The following BCAS3 variants were observed in gnomAD, a reference collection of about 807,000 sequenced individuals.
BCAS3 encodes BCAS3 microtubule associated cell migration factor, also known as BCAS4/BCAS3 fusion.
A neutral mutation model predicts 116.1 loss-of-function variants in BCAS3; 53 were observed. The observed-to-expected ratio is 0.46, with a 90% confidence interval of 0.37 to 0.57. The LOEUF is 0.57. Among genes scored for constraint, BCAS3 ranks in the 20% least tolerant of loss-of-function variants. The pLI is 0.00. For missense variants in BCAS3, 917 were observed against 1,165.4 expected (o/e 0.79, Z 3.10); for synonymous variants, 391 against 408.2 (o/e 0.96, Z 0.51).
chr17:61,036,989 C>G (rs1270950522), intron 17 of BCAS3, among the ~76,000 whole-genome samples: 1 of 152,184 alleles, frequency 6.6e-6, no homozygotes, highest in Non-Finnish European at 1.5e-5. Context: ...TACCTTCTGT[C>G]TCCACACATG....
intron 7 of BCAS3, among the ~76,000 whole-genome samples, chr17:60,858,462 G>C (rs939882648): frequency 7.9e-5 from 12 of 151,830 alleles, no homozygotes; most frequent in Non-Finnish European, 1.8e-4. Flanking sequence ...TACTCCCACA[G>C]TCATGGTATT....
At chr17:60,927,256 TTTTG>T (rs1331564767) in intron 13 of BCAS3, among the ~76,000 whole-genome samples, 1 of 151,902 alleles carries the variant, frequency 6.6e-6, no homozygotes, top group East Asian at 1.9e-4. Context: ...TTTTTTTGTT[TTTTG>T]TTTGTTTTTT....
At chr17:60,928,919 T>C (rs1025836398) in intron 13 of BCAS3, among the ~76,000 whole-genome samples, 4 of 152,226 alleles carry the variant, frequency 2.6e-5, no homozygotes, top group Non-Finnish European at 5.9e-5. Context: ...CACACATACA[T>C]AGAGGACATG....
chr17:60,988,029 T>C (rs1484516605), intron 14 of BCAS3, among the ~76,000 whole-genome samples: 2 of 152,098 alleles, frequency 1.3e-5, no homozygotes, highest in Non-Finnish European at 2.9e-5. Flanking sequence ...GAGTTTTTAT[T>C]ATGAAGTAAT....
intron 5 of BCAS3, among the ~76,000 whole-genome samples, chr17:60,717,512 G>A (rs975103487): frequency 1.3e-5 from 2 of 151,984 alleles, no homozygotes; most frequent in Non-Finnish European, 2.9e-5. Context: ...CACCATGCCC[G>A]GCAGAATATG....
intron 22 of BCAS3, among the ~76,000 whole-genome samples, chr17:61,202,508 ATTAC>A (rs2080899270): frequency 6.6e-6 from 1 of 151,138 alleles, no homozygotes; most frequent in African/African-American, 2.4e-5. Flanking sequence ...TTTTTAAAAT[ATTAC>A]TTATTTAATT....
chr17:61,212,873 G>A (rs1255580036), intron 22 of BCAS3, among the ~76,000 whole-genome samples: 1 of 152,120 alleles, frequency 6.6e-6, no homozygotes. Flanking sequence ...CATCGTTCCT[G>A]TGGGCTCCCT....
At chr17:61,167,105 T>C (rs529571267) in intron 22 of BCAS3, among the ~76,000 whole-genome samples, 1 of 152,348 alleles carries the variant, frequency 6.6e-6, no homozygotes, top group Non-Finnish European at 1.5e-5. Context: ...TATTGAATGC[T>C]TATTGTGTTT....
chr17:60,719,631 T>C (rs2039026800), intron 5 of BCAS3, among the ~76,000 whole-genome samples: 2 of 152,236 alleles, frequency 1.3e-5, no homozygotes, highest in Admixed American at 6.5e-5. Context: ...GGATGAGGAG[T>C]TGAACTTATT....
chr17:60,749,534 T>C (rs1321402823), intron 6 of BCAS3, among the ~76,000 whole-genome samples: 3 of 152,226 alleles, frequency 2.0e-5, no homozygotes, highest in Non-Finnish European at 2.9e-5. Flanking sequence ...GTTTTCATTG[T>C]TCACTCTTTC....
chr17:61,053,011 C>T (rs1042712608), intron 19 of BCAS3, among the ~76,000 whole-genome samples: 1 of 152,126 alleles, frequency 6.6e-6, no homozygotes, highest in Non-Finnish European at 1.5e-5. Flanking sequence ...GCCACCACGC[C>T]TGGCCTGTGG....
At chr17:61,149,087 G>A (rs7211863) in intron 22 of BCAS3, among the ~76,000 whole-genome samples, 12,773 of 151,614 alleles carry the variant, frequency 0.084, 1,821 homozygotes, top group African/African-American at 0.29. Flanking sequence ...AGTTCTTCAA[G>A]TTTCTCAAAG....
intron 13 of BCAS3, among the ~76,000 whole-genome samples, chr17:60,929,876 A>G: frequency 6.6e-6 from 1 of 151,656 alleles, no homozygotes; most frequent in Admixed American, 6.6e-5. Flanking sequence ...AATTTCATCT[A>G]TGTCCCTACA....
rs954987332 is a variant in BCAS3 at position 61,241,668 on chromosome 17, G to A, written c.2426-126659G>A. On this transcript the variant is annotated intron_variant, in intron 22 of 23. Transcript: ENST00000407086. The surrounding 1 kb of genome is among the most constrained non-coding windows in gnomAD (Gnocchi z 4.6). ...CAGGAGCCAGAGCTTGCAGTGAGCC[G>A]AGATCGTGCCAGTGCACTCCAGCCT... is the stretch of plus-strand genomic sequence containing the variant. Among the ~76,000 whole-genome samples the A allele has an allele frequency of 2.6e-5, 4 of 152,010 alleles. No individual in the cohort carries two copies. Among genetic ancestry groups the A allele is most frequent in the South Asian group, 4.1e-4 (2 of 4,822 alleles).
At chr17:60,720,774 G>A (rs1245049124) in intron 5 of BCAS3, among the ~76,000 whole-genome samples, 1 of 152,202 alleles carries the variant, frequency 6.6e-6, no homozygotes, top group Non-Finnish European at 1.5e-5. Context: ...CAGATACCAT[G>A]CCATTTTATA....
At chr17:61,043,539 T>C (rs981417716) in intron 19 of BCAS3, among the ~76,000 whole-genome samples, 3 of 152,028 alleles carry the variant, frequency 2.0e-5, no homozygotes, top group African/African-American at 7.2e-5. Flanking sequence ...TGTGGAGTTG[T>C]CACGTTCTCC....
At chr17:60,966,803 C>A (rs531017863) in intron 14 of BCAS3, among the ~76,000 whole-genome samples, 46 of 151,880 alleles carry the variant, frequency 3.0e-4, no homozygotes, top group African/African-American at 1.1e-3. Flanking sequence ...CAGACATGTG[C>A]CACCATGTCC....
At chr17:60,927,035 C>T (rs2059396980) in intron 13 of BCAS3, among the ~76,000 whole-genome samples, 1 of 152,156 alleles carries the variant, frequency 6.6e-6, no homozygotes, top group South Asian at 2.1e-4. Flanking sequence ...GTTCCTCCTA[C>T]AAAGAGATCA....
chr17:60,842,210 G>A (rs2052008999), intron 7 of BCAS3, among the ~76,000 whole-genome samples: 1 of 152,104 alleles, frequency 6.6e-6, no homozygotes, highest in South Asian at 2.1e-4. Flanking sequence ...CTCAACAAAA[G>A]TAAATGATAG....
Sources: gnomAD v4.1 joint callset for allele counts (sites outside exome capture counted in the v4.1 genomes callset) on GRCh38, gnomAD v4.1.1 for gene constraint, Gnocchi (gnomAD v3.1) non-coding constraint, MANE v1.5 for transcripts, NCBI Gene and HGNC (gene_info 2026-07-23, HGNC 2026-07-21) for gene names.